SOX5: variants seen among roughly 807,000 people sequenced by gnomAD.
SOX5 encodes the protein transcription factor SOX-5.
SOX5 carries 9 observed loss-of-function variants against 92.0 expected under a neutral mutation model. That is an observed-to-expected ratio of 0.10 (90% CI 0.06 to 0.17). The LOEUF is 0.17. Ranked by LOEUF, SOX5 falls within the 10% of genes least tolerant of loss-of-function variation. SOX5 has a pLI of 1.00. For synonymous variants in SOX5, 344 were observed against 336.3 expected (o/e 1.02, Z -0.25); for missense variants, 642 against 944.5 (o/e 0.68, Z 4.20).
intron 4 of SOX5, among the ~76,000 whole-genome samples, chr12:24,165,842 TAAG>T (rs1262683055): frequency 1.3e-5 from 2 of 152,082 alleles, no homozygotes; most frequent in African/African-American, 4.8e-5. Flanking sequence ...GAAGCCATGC[TAAG>T]GAGTTTATAT....
At chr12:24,222,985 G>A (rs1960872506) in intron 3 of SOX5, among the ~76,000 whole-genome samples, 1 of 152,176 alleles carries the variant, frequency 6.6e-6, no homozygotes, top group Admixed American at 6.5e-5. Flanking sequence ...TACTGACTAA[G>A]CATCACCACT....
chr12:23,555,877 A>G (rs890514550), intron 11 of SOX5, among the ~76,000 whole-genome samples: 1 of 152,212 alleles, frequency 6.6e-6, no homozygotes, highest in Non-Finnish European at 1.5e-5. Flanking sequence ...AAATGAAAAG[A>G]CACAGAAGAA....
chr12:23,690,318 A>G (rs1232052583), intron 6 of SOX5, among the ~76,000 whole-genome samples: 1 of 152,234 alleles, frequency 6.6e-6, no homozygotes, highest in African/African-American at 2.4e-5. Context: ...GTGGCAGTGA[A>G]ATTCTATTCC....
intron 6 of SOX5, among the ~76,000 whole-genome samples, chr12:23,730,509 T>C (rs1451424474): frequency 6.6e-6 from 1 of 152,150 alleles, no homozygotes; most frequent in African/African-American, 2.4e-5. Flanking sequence ...ATTTATGATA[T>C]TGCAAACAAT....
intron 2 of SOX5, among the ~76,000 whole-genome samples, chr12:24,279,744 A>T (rs1383456045): frequency 2.0e-5 from 3 of 152,316 alleles, no homozygotes; most frequent in East Asian, 3.9e-4. Context: ...TCATCAACTT[A>T]AAAACTCCCA....
chr12:24,263,396 C>T (rs1321069740), intron 3 of SOX5, among the ~76,000 whole-genome samples: 1 of 151,472 alleles, frequency 6.6e-6, no homozygotes, highest in Non-Finnish European at 1.5e-5. Context: ...GGCGTGGTGG[C>T]GGGGGCCTGT....
At chr12:24,188,527 G>T (rs1266177704) in intron 4 of SOX5, among the ~76,000 whole-genome samples, 2 of 151,902 alleles carry the variant, frequency 1.3e-5, no homozygotes, top group African/African-American at 4.8e-5. Context: ...AGTCTTAAAG[G>T]GTAACAGTAA....
At chr12:23,640,427 G>T (rs112429969) in intron 8 of SOX5, among the ~76,000 whole-genome samples, 3 of 152,154 alleles carry the variant, frequency 2.0e-5, no homozygotes, top group African/African-American at 4.8e-5. Flanking sequence ...GGCATCCTGA[G>T]CAATTTGAAA....
At chr12:24,039,693 T>A (rs1276435278) in intron 4 of SOX5, among the ~76,000 whole-genome samples, 3 of 152,174 alleles carry the variant, frequency 2.0e-5, no homozygotes, top group Non-Finnish European at 1.5e-5. Flanking sequence ...ATTTTGTCCA[T>A]ATCCTACAGT....
chr12:24,259,631 C>A (rs1283084199), intron 3 of SOX5, among the ~76,000 whole-genome samples: 1 of 152,048 alleles, frequency 6.6e-6, no homozygotes, highest in Non-Finnish European at 1.5e-5. Flanking sequence ...CAAGCAGTTA[C>A]AGGGAAGAAA....
chr12:24,473,958 T>G (rs754095263), intron 1 of SOX5, among the ~76,000 whole-genome samples: 3 of 152,216 alleles, frequency 2.0e-5, no homozygotes, highest in African/African-American at 7.2e-5. Context: ...ATTTAATACA[T>G]GATAAAGATT....
rs185607301 is a variant in SOX5, at chr12:23,783,869, T to C, written c.482-28145A>G. 1.4e-3 allele frequency among the ~76,000 whole-genome samples: 211 copies of C among 152,260 alleles called. 1 individual carries two copies. The highest frequency in any genetic ancestry group is 2.4e-3 in the Non-Finnish European group (166 of 68,006). On this transcript the variant is annotated intron_variant, in intron 3 of 14. Transcript: ENST00000451604. ...AATTTACCACGTAGATTCCCAGACA[T>C]TGGACAAGTGTCTGGGAATCTGGCA... is the stretch of plus-strand genomic sequence containing the variant.
At chr12:24,178,244 C>CTT (rs5797065) in intron 4 of SOX5, among the ~76,000 whole-genome samples, 13 of 109,544 alleles carry the variant, frequency 1.2e-4, no homozygotes, top group Admixed American at 7.4e-4. Flanking sequence ...AAGAGCTTGA[C>CTT]TTTTTTTTTT....
At chr12:23,598,389 T>TTG in intron 9 of SOX5, among the ~76,000 whole-genome samples, 1 of 35,076 alleles carries the variant, frequency 2.9e-5, no homozygotes. Context: ...TGCTTTATCT[T>TTG]TTTTTTTTTT....
At chr12:24,560,352 T>A (rs1252197804) in intron 1 of SOX5, among the ~76,000 whole-genome samples, 1 of 152,216 alleles carries the variant, frequency 6.6e-6, no homozygotes, top group Non-Finnish European at 1.5e-5. Context: ...TTTAAGGATT[T>A]AAGGCTGTAT....
intron 2 of SOX5, among the ~76,000 whole-genome samples, chr12:24,357,613 C>T (rs77317543): frequency 0.041 from 6,172 of 152,086 alleles, 548 homozygotes; most frequent in East Asian, 0.4. Context: ...GAGGCCGAGG[C>T]GGGTGGATTG....
intron 1 of SOX5, among the ~76,000 whole-genome samples, chr12:24,443,484 C>T (rs1284593542): frequency 5.3e-5 from 8 of 152,178 alleles, no homozygotes; most frequent in African/African-American, 1.9e-4. Context: ...CAATTTGATT[C>T]TGTCATATCT....
At chr12:24,414,938 C>G (rs1022879302) in intron 1 of SOX5, among the ~76,000 whole-genome samples, 3 of 152,116 alleles carry the variant, frequency 2.0e-5, no homozygotes, top group Non-Finnish European at 4.4e-5. Context: ...GCAGTGATCT[C>G]GGAGGCATTT....
At chr12:23,848,503 T>C (rs922850835) in intron 2 of SOX5, among the ~76,000 whole-genome samples, 1 of 152,208 alleles carries the variant, frequency 6.6e-6, no homozygotes, top group African/African-American at 2.4e-5. Context: ...TCTGGCACTG[T>C]TAATCTCCTT....
Sources: gnomAD v4.1 joint callset for allele counts (sites outside exome capture counted in the v4.1 genomes callset) on GRCh38, gnomAD v4.1.1 for gene constraint, MANE v1.5 for transcripts, NCBI Gene and HGNC (gene_info 2026-07-23, HGNC 2026-07-21) for gene names.